PNO1: variants seen among roughly 807,000 people sequenced by gnomAD.
PNO1 encodes partner of NOB1 homolog, also known as RNA-binding protein PNO1.
In PNO1, 16 loss-of-function variants were observed where a neutral mutation model predicts 28.4. The observed-to-expected ratio is 0.56, with a 90% CI of 0.38 to 0.85. The LOEUF (loss-of-function observed/expected upper bound fraction) is 0.85, where lower values mean the gene tolerates loss of function less well. PNO1 is among the 40% of genes least tolerant of loss of function. The pLI is 0.00. For synonymous variants in PNO1, 115 were observed against 110.8 expected, an observed-to-expected ratio of 1.04 and a Z score of -0.24; for missense variants, 304 against 312.2, an observed-to-expected ratio of 0.97 and a Z score of 0.20.
At chr2:68,168,154 T>C (rs1674039012) in intron 5 of PNO1, among the ~76,000 whole-genome samples, 1 of 152,174 alleles carries the variant, frequency 6.6e-6, no homozygotes, top group Non-Finnish European at 1.5e-5. Flanking sequence ...GCTGAATGCG[T>C]TGGCCAAGTA....
intron 2 of PNO1, among the ~76,000 whole-genome samples, chr2:68,160,392 G>C (rs1056162823): frequency 2.6e-5 from 4 of 152,154 alleles, no homozygotes; most frequent in Admixed American, 1.3e-4. Flanking sequence ...CTTTGAAAGA[G>C]GTCCGCTCCT....
At chr2:68,173,209 G>A (rs545925580) in intron 5 of PNO1, 138 bp from the exon 6 acceptor site, 42 of 545,744 alleles carry the variant, frequency 7.7e-5, no homozygotes, top group Middle Eastern at 5.0e-4. Flanking sequence ...TAGAGATGGC[G>A]TCTCATTATG....
At chr2:68,162,440 T>C (rs751198910) in intron 4 of PNO1, 106 bp from the exon 5 acceptor site, 96 of 1,000,584 alleles carry the variant, frequency 9.6e-5, no homozygotes, top group African/African-American at 1.8e-4. Context: ...TATATATATA[T>C]ACACTTTGTG....
At chr2:68,166,916 A>G (rs1200839562) in intron 5 of PNO1, among the ~76,000 whole-genome samples, 1 of 152,164 alleles carries the variant, frequency 6.6e-6, no homozygotes, top group Non-Finnish European at 1.5e-5. Context: ...TCCGTGATCC[A>G]TATCTTGAAA....
chr2:68,173,783 A>G (rs367705824), intron 6 of PNO1, among the ~76,000 whole-genome samples: 4 of 151,866 alleles, frequency 2.6e-5, no homozygotes, highest in East Asian at 1.9e-4. Flanking sequence ...GGGTTTCACC[A>G]TATCGGCCAG....
At chr2:68,164,154 G>A (rs1186531462) in intron 5 of PNO1, among the ~76,000 whole-genome samples, 1 of 152,116 alleles carries the variant, frequency 6.6e-6, no homozygotes, top group East Asian at 1.9e-4. Context: ...TGGAGCCTTG[G>A]GAGAAGCTAT....
chr2:68,164,863 C>T (rs1487306898), intron 5 of PNO1, among the ~76,000 whole-genome samples: 1 of 152,148 alleles, frequency 6.6e-6, no homozygotes, highest in African/African-American at 2.4e-5. Context: ...GGTGGGGTTA[C>T]GTCCAGATAA....
chr2:68,175,001 C>T lies in PNO1; in HGVS notation c.*199C>T. 1 of 441,856 alleles carries T rather than the reference C, an allele frequency of 2.3e-6. No individual in the cohort carries two copies. The highest frequency in any genetic ancestry group is 3.8e-6 in the Non-Finnish European group (1 of 259,796). 27.4% of individuals were successfully genotyped at this position (441,856 alleles called of 1,614,324 possible). On this transcript the variant is annotated 3_prime_UTR_variant, in exon 7 of 7. Coordinates refer to ENST00000263657, the MANE Select transcript of PNO1 (RefSeq NM_020143.4). ...ACAGGTTTTAGGATAATTTAAATAT[C>T]AAAAATTGATTGTTATACTTAACAC...
At chr2:68,163,022 C>G (rs1247623862) in intron 5 of PNO1, among the ~76,000 whole-genome samples, 22 of 152,130 alleles carry the variant, frequency 1.4e-4, no homozygotes, top group Non-Finnish European at 8.8e-5. Context: ...TGAAGTAGAG[C>G]ATTCTGAATG....
At chr2:68,168,021 CTT>C (rs1674035582) in intron 5 of PNO1, among the ~76,000 whole-genome samples, 1 of 152,246 alleles carries the variant, frequency 6.6e-6, no homozygotes, top group East Asian at 1.9e-4. Flanking sequence ...GGAGAGGAAA[CTT>C]TATTTCTTAG....
chr2:68,163,581 ATACT>A (rs902133574), intron 5 of PNO1, among the ~76,000 whole-genome samples: 5 of 150,952 alleles, frequency 3.3e-5, no homozygotes, highest in Middle Eastern at 3.4e-3. Context: ...ACATACATAC[ATACT>A]TACTCAAGGG....
chr2:68,162,413 AT>A, intron 4 of PNO1, 88 bp downstream of exon 4: 2 of 1,133,492 alleles, frequency 1.8e-6, no homozygotes, highest in Non-Finnish European at 2.6e-6. Flanking sequence ...ATTGAGCTGT[AT>A]TTTTAGCAAC....
At chr2:68,162,347 C>G in intron 4 of PNO1, 22 bp downstream of exon 4, 1 of 1,576,034 alleles carries the variant, frequency 6.3e-7, no homozygotes, top group Non-Finnish European at 8.7e-7. Context: ...TTGGTCTGCG[C>G]TCTTGTGTCG....
At chr2:68,161,265 A>G in intron 2 of PNO1, 1 of 471,708 alleles carries the variant, frequency 2.1e-6, no homozygotes, top group Non-Finnish European at 4.4e-6. Context: ...ACATCAGCAT[A>G]TAAATGATAA....
intron 2 of PNO1, chr2:68,161,386 A>G: frequency 2.2e-6 from 1 of 462,722 alleles, no homozygotes; most frequent in Non-Finnish European, 4.3e-6. Context: ...AGAATGGGAG[A>G]GATTGGGTTG....
intron 5 of PNO1, among the ~76,000 whole-genome samples, chr2:68,171,682 G>A (rs1317416697): frequency 3.3e-5 from 5 of 152,170 alleles, no homozygotes; most frequent in Admixed American, 6.5e-5. Context: ...GGCAGTGAGC[G>A]AGGAGGCTTG....
chr2:68,163,478 C>T (rs1284439310), intron 5 of PNO1, among the ~76,000 whole-genome samples: 1 of 152,026 alleles, frequency 6.6e-6, no homozygotes, highest in East Asian at 1.9e-4. Flanking sequence ...TTGCAGTGAG[C>T]CGAGATCATG....
intron 2 of PNO1, 51 bp downstream of exon 2, chr2:68,158,580 G>C: frequency 1.3e-6 from 2 of 1,502,124 alleles, no homozygotes; most frequent in Non-Finnish European, 1.8e-6. Flanking sequence ...CTCTCCTACA[G>C]AGATGAAAAG....
At chr2:68,159,158 C>T in intron 2 of PNO1, among the ~76,000 whole-genome samples, 1 of 152,088 alleles carries the variant, frequency 6.6e-6, no homozygotes, top group East Asian at 1.9e-4. Context: ...AGCGGTTGGT[C>T]ACTGATCAAA....
Sources: allele counts gnomAD v4.1 joint callset (sites outside exome capture counted in the v4.1 genomes callset), GRCh38; gene constraint gnomAD v4.1.1; transcripts MANE v1.5; gene names NCBI Gene and HGNC (gene_info 2026-07-23, HGNC 2026-07-21).